ZFAND3: variants seen among roughly 807,000 people sequenced by gnomAD.
ZFAND3 encodes the protein zinc finger AN1-type containing 3, also known as AN1-type zinc finger protein 3.
In ZFAND3, 10 loss-of-function variants were observed where a neutral mutation model predicts 29.6. The observed-to-expected ratio is 0.34, with a 90% confidence interval of 0.21 to 0.57. The LOEUF (loss-of-function observed/expected upper bound fraction) is 0.57. Ranked by LOEUF, ZFAND3 falls within the 20% of genes least tolerant of loss-of-function variation. The pLI, the probability that ZFAND3 is intolerant of heterozygous loss-of-function variation, is 0.86. For missense variants in ZFAND3, 230 were observed against 304.5 expected (o/e 0.76, Z 1.82); for synonymous variants, 128 against 112.6 (o/e 1.14, Z -0.87).
chr6:37,935,040 A>C (rs1032614002), intron 2 of ZFAND3, among the ~76,000 whole-genome samples: 3 of 152,110 alleles, frequency 2.0e-5, no homozygotes, highest in African/African-American at 4.8e-5. Context: ...GTCTAAGACT[A>C]TTGTGTAGGT....
intron 2 of ZFAND3, among the ~76,000 whole-genome samples, chr6:37,965,239 T>C (rs947081639): frequency 6.6e-6 from 1 of 152,202 alleles, no homozygotes; most frequent in African/African-American, 2.4e-5. Context: ...ATTTCTCTAC[T>C]TACTTTGTTT....
intron 1 of ZFAND3, among the ~76,000 whole-genome samples, chr6:37,861,830 C>CTT (rs1042981247): frequency 7.9e-5 from 12 of 152,136 alleles, no homozygotes; most frequent in African/African-American, 2.7e-4. Context: ...ATAACTGGAG[C>CTT]TTTATTCTAA....
intron 4 of ZFAND3, among the ~76,000 whole-genome samples, chr6:38,103,217 A>G (rs1765127881): frequency 6.6e-6 from 1 of 152,116 alleles, no homozygotes; most frequent in Admixed American, 6.5e-5. Flanking sequence ...TCATTTGGTT[A>G]TGACGTTATG....
intron 2 of ZFAND3, among the ~76,000 whole-genome samples, chr6:37,956,201 C>A (rs1178717333): frequency 6.6e-6 from 1 of 152,146 alleles, no homozygotes; most frequent in Non-Finnish European, 1.5e-5. Flanking sequence ...TTACTGTGCT[C>A]AGGGCAATAT....
chr6:37,912,217 C>CT (rs1765536444), intron 1 of ZFAND3, among the ~76,000 whole-genome samples: 1 of 152,066 alleles, frequency 6.6e-6, no homozygotes, highest in Admixed American at 6.6e-5. Flanking sequence ...ACCATGCACT[C>CT]TGAGTTGAAT....
chr6:38,118,600 T>C (rs1391750833), intron 5 of ZFAND3, among the ~76,000 whole-genome samples: 1 of 150,634 alleles, frequency 6.6e-6, no homozygotes, highest in African/African-American at 2.4e-5. Flanking sequence ...GTATGCTGTC[T>C]TGTCCCCGGC....
Position 38,099,568 on chromosome 6 carries a change from A to T in ZFAND3, c.362-17004A>T, listed in dbSNP as rs565112982. Reference sequence around the variant, plus strand: ...ATTAGCTCAATAGGACAGGGGAATTAGTTACATGCTATGCATTTCCCACAC... The same window carrying T: ...ATTAGCTCAATAGGACAGGGGAATTTGTTACATGCTATGCATTTCCCACAC... On this transcript the variant is annotated intron_variant, in intron 4 of 5. Transcript: ENST00000287218. Among the ~76,000 whole-genome samples, 48 of 152,340 alleles carry T rather than the reference A, an allele frequency of 3.2e-4. No individual in the cohort carries two copies. The South Asian group carries it at 3.5e-3, about 11-fold the overall frequency.
chr6:37,826,257 A>G (rs1763758025), intron 1 of ZFAND3, among the ~76,000 whole-genome samples: 1 of 152,106 alleles, frequency 6.6e-6, no homozygotes, highest in African/African-American at 2.4e-5. Context: ...ACTTTGTGTC[A>G]GAGTGGTTTT....
chr6:37,897,965 T>C, intron 1 of ZFAND3, among the ~76,000 whole-genome samples: 1 of 152,212 alleles, frequency 6.6e-6, no homozygotes, highest in East Asian at 1.9e-4. Context: ...GTATGTGTAT[T>C]GCAGCTATCT....
intron 5 of ZFAND3, among the ~76,000 whole-genome samples, chr6:38,132,561 C>T (rs12201692): frequency 0.018 from 2,765 of 152,252 alleles, 33 homozygotes; most frequent in Non-Finnish European, 0.028. Context: ...TGTGTGTAAC[C>T]GCACTAGTCT....
chr6:38,152,002 C>T (rs926640935), intron 5 of ZFAND3, among the ~76,000 whole-genome samples: 1 of 152,166 alleles, frequency 6.6e-6, no homozygotes, highest in African/African-American at 2.4e-5. Context: ...TTCTACCCTT[C>T]AAGGGTCCAG....
chr6:37,958,705 T>TA (rs1157171921), intron 2 of ZFAND3, among the ~76,000 whole-genome samples: 1 of 152,042 alleles, frequency 6.6e-6, no homozygotes, highest in African/African-American at 2.4e-5. Context: ...TTAAGACTTC[T>TA]AAAAAACCTT....
intron 2 of ZFAND3, among the ~76,000 whole-genome samples, chr6:38,009,895 C>T (rs1361728007): frequency 1.3e-5 from 2 of 152,072 alleles, no homozygotes; most frequent in Admixed American, 1.3e-4. Flanking sequence ...CTTGTTTTGG[C>T]CTTTTTGCTG....
chr6:38,146,041 C>T (rs922419565), intron 5 of ZFAND3, among the ~76,000 whole-genome samples: 6 of 152,338 alleles, frequency 3.9e-5, no homozygotes, highest in Middle Eastern at 3.4e-3. Flanking sequence ...GAAGTGATTG[C>T]TCTACCCCCA....
Position 38,095,427 on chromosome 6 carries a change from CCTTT to C in ZFAND3, c.361+12975_361+12978del, listed in dbSNP as rs113293683. Among the ~76,000 whole-genome samples the C allele has an allele frequency of 4.2e-4, 64 of 152,176 alleles. 1 individual carries two copies. Among genetic ancestry groups the C allele is most frequent in the Admixed American group, 7.9e-4 (12 of 15,276 alleles). ...CCCCCACCCCTGGCATTTATAATTG[CCTTT>C]CTTTTTTTTTCTACAGTATTTGGTT... is the stretch of plus-strand genomic sequence containing the variant. On this transcript the variant is annotated intron_variant, in intron 4 of 5. Transcript: ENST00000287218.
At chr6:37,914,672 C>CTTTTTTTCTTTT (rs1554157843) in intron 1 of ZFAND3, among the ~76,000 whole-genome samples, 2 of 114,210 alleles carry the variant, frequency 1.8e-5, no homozygotes, top group African/African-American at 3.6e-5. Context: ...CTTTTTTTTT[C>CTTTTTTTCTTTT]TTTTTTTTTT....
chr6:37,903,502 T>A (rs1765355682), intron 1 of ZFAND3, among the ~76,000 whole-genome samples: 1 of 152,234 alleles, frequency 6.6e-6, no homozygotes, highest in Non-Finnish European at 1.5e-5. Context: ...ATCTACTGTA[T>A]CACCTTTCTT....
At chr6:37,928,575 C>T (rs956250524) in intron 1 of ZFAND3, among the ~76,000 whole-genome samples, 9 of 151,984 alleles carry the variant, frequency 5.9e-5, no homozygotes, top group African/African-American at 1.9e-4. Flanking sequence ...GGCTGGAGTG[C>T]AGTGGTGTGA....
At chr6:38,129,803 C>CT (rs35241336) in intron 5 of ZFAND3, among the ~76,000 whole-genome samples, 39 of 145,874 alleles carry the variant, frequency 2.7e-4, no homozygotes, top group East Asian at 1.8e-3. Context: ...GATATGTGGG[C>CT]TTTTTTTTTT....
Sources: gnomAD v4.1 joint callset for allele counts (sites outside exome capture counted in the v4.1 genomes callset) on GRCh38, gnomAD v4.1.1 for gene constraint, MANE v1.5 for transcripts, NCBI Gene and HGNC (gene_info 2026-07-23, HGNC 2026-07-21) for gene names.